Variants in TARBP1 observed in about 807,000 individuals in gnomAD.
TARBP1 encodes tRNA (guanosine(18)-2'-O)-methyltransferase TARBP1.
TARBP1 carries 144 observed loss-of-function variants against 178.6 expected under a neutral mutation model. That is an observed-to-expected ratio of 0.81 (90% CI 0.70 to 0.93). The LOEUF is 0.93. TARBP1 is among the 40% of genes least tolerant of loss of function. The probability of loss-of-function intolerance (pLI) is 0.00; values close to 1 mark genes in which losing one functional copy is unlikely to be tolerated. For synonymous variants in TARBP1, 787 were observed against 781.0 expected (o/e 1.01, Z -0.13); for missense variants, 2,067 against 2,011.7 (o/e 1.03, Z -0.53).
Position 234,401,197 on chromosome 1 carries a change from T to G in TARBP1, c.4055A>C (p.Lys1352Thr), listed in dbSNP as rs113984703. 5 of 1,613,150 alleles carry G rather than the reference T, an allele frequency of 3.1e-6. No individual in the cohort carries two copies. Among genetic ancestry groups the G allele is most frequent in the Non-Finnish European group, 4.2e-6 (5 of 1,179,494 alleles). The change falls in exon 25 of 30, where the codon AAG becomes ACG. Residue 1352 changes from lysine (K) to threonine (T), a missense_variant. Transcript: ENST00000040877. ...TCTACTCACCTCTAGACAATAATCC[T>G]TGAGTGGGTGAAATGTTGCAAAAAA... ...HFFFATFHPL[K>T]DYCLETIFYI...
intron 19 of TARBP1, among the ~76,000 whole-genome samples, chr1:234,426,886 A>C (rs916050762): frequency 1.3e-5 from 2 of 152,248 alleles, no homozygotes; most frequent in Non-Finnish European, 2.9e-5. Context: ...CAAAAACTTC[A>C]GAGTCTGTTC....
intron 21 of TARBP1, among the ~76,000 whole-genome samples, chr1:234,418,673 G>A (rs764747548): frequency 6.6e-6 from 1 of 152,164 alleles, no homozygotes; most frequent in Admixed American, 6.5e-5. Flanking sequence ...GGGCCACTGA[G>A]CCCTCTGTTC....
At chr1:234,418,948 G>A (rs1003321590) in intron 21 of TARBP1, among the ~76,000 whole-genome samples, 4 of 152,086 alleles carry the variant, frequency 2.6e-5, no homozygotes, top group Admixed American at 6.5e-5. Flanking sequence ...CGAGGCGGGC[G>A]GATCACAAGG....
intron 12 of TARBP1, among the ~76,000 whole-genome samples, chr1:234,445,750 C>T (rs541026676): frequency 4.9e-4 from 74 of 152,200 alleles, no homozygotes; most frequent in Non-Finnish European, 9.7e-4. Flanking sequence ...CAGGTAAATT[C>T]GTTCTTAGGT....
chr1:234,448,020 A>G (rs543103311), intron 11 of TARBP1, among the ~76,000 whole-genome samples: 1 of 152,252 alleles, frequency 6.6e-6, no homozygotes, highest in African/African-American at 2.4e-5. Context: ...GCTCACTGCA[A>G]CCTCCGCCAC....
intron 25 of TARBP1, among the ~76,000 whole-genome samples, chr1:234,399,385 T>C (rs1414566346): frequency 6.6e-6 from 1 of 152,242 alleles, no homozygotes; most frequent in African/African-American, 2.4e-5. Context: ...CACGACTACA[T>C]GTTGATTAAG....
chr1:234,393,321 CTTGTT>C (rs1025198174), intron 28 of TARBP1, 36 bp downstream of exon 28: 11 of 1,420,498 alleles, frequency 7.7e-6, no homozygotes, highest in Non-Finnish European at 9.3e-6. Flanking sequence ...CATGTGCGGG[CTTGTT>C]TTAAGAACTT....
At chr1:234,459,404 T>TAA in intron 7 of TARBP1, 78 bp from the exon 8 acceptor site, 1 of 1,142,764 alleles carries the variant, frequency 8.8e-7, no homozygotes, top group Non-Finnish European at 1.3e-6. Context: ...AACAAGTTGA[T>TAA]TTATAACAAC....
intron 12 of TARBP1, among the ~76,000 whole-genome samples, chr1:234,439,155 A>G (rs1665338167): frequency 6.6e-6 from 1 of 152,254 alleles, no homozygotes; most frequent in South Asian, 2.1e-4. Context: ...ACATGATGCC[A>G]TAGGGAAATT....
At chr1:234,465,735 G>C in intron 4 of TARBP1, 27 bp from the exon 5 acceptor site, 1 of 1,396,062 alleles carries the variant, frequency 7.2e-7, no homozygotes, top group Non-Finnish European at 9.7e-7. Context: ...AAAAAGACAC[G>C]TAATTGAAAC....
At chr1:234,473,776 T>C (rs1246241539) in intron 1 of TARBP1, among the ~76,000 whole-genome samples, 2 of 152,112 alleles carry the variant, frequency 1.3e-5, no homozygotes, top group Non-Finnish European at 2.9e-5. Flanking sequence ...GATCTAAGAA[T>C]CATCAGACAG....
chr1:234,462,810 T>C (rs1260344603), intron 6 of TARBP1, among the ~76,000 whole-genome samples: 4 of 152,110 alleles, frequency 2.6e-5, no homozygotes, highest in Non-Finnish European at 5.9e-5. Context: ...AGTCATGATA[T>C]ACAGACCATA....
chr1:234,399,878 A>G (rs1003891193), intron 25 of TARBP1, among the ~76,000 whole-genome samples: 1 of 89,754 alleles, frequency 1.1e-5, no homozygotes, highest in African/African-American at 4.4e-5. Context: ...CACTCTGGGG[A>G]CTGTTGTGGG....
chr1:234,465,025 T>C (rs1439507996), intron 5 of TARBP1, among the ~76,000 whole-genome samples: 2 of 152,062 alleles, frequency 1.3e-5, no homozygotes, highest in East Asian at 3.9e-4. Context: ...AAACTGGACG[T>C]CCTGGTGTGA....
intron 12 of TARBP1, among the ~76,000 whole-genome samples, chr1:234,444,525 A>G (rs270528): frequency 0.54 from 81,793 of 151,874 alleles, 23,099 homozygotes; most frequent in African/African-American, 0.71. Context: ...CTGGACTACC[A>G]TCACTGTGAA....
chr1:234,449,973 T>C (rs1035498948), intron 10 of TARBP1, among the ~76,000 whole-genome samples: 1 of 152,214 alleles, frequency 6.6e-6, no homozygotes, highest in African/African-American at 2.4e-5. Flanking sequence ...CTAACAAAAC[T>C]ATCCTTTTAA....
At chr1:234,448,448 T>G in intron 11 of TARBP1, 32 bp downstream of exon 11, 2 of 1,579,934 alleles carry the variant, frequency 1.3e-6, no homozygotes, top group Non-Finnish European at 1.7e-6. Context: ...ATTTTTCAAA[T>G]AGGCTTTCTT....
rs192014486 is a variant in TARBP1, at chr1:234,451,882, G to A, written c.1723-1316C>T. On this transcript the variant is annotated intron_variant, in intron 9 of 29. Coordinates refer to ENST00000040877, the MANE Select transcript of TARBP1 (RefSeq NM_005646.4). ...GTTCTGTGTAGGTCTTTATCAAGTC[G>A]GATAATCTTAAGATATTATTGTCTA... 5.6e-3 allele frequency among the ~76,000 whole-genome samples: 846 copies of A among 151,930 alleles called. 5 individuals carry two copies. Among genetic ancestry groups the A allele is most frequent in the Non-Finnish European group, 7.3e-3 (499 of 67,930 alleles).
chr1:234,462,229 T>A (rs1033112709), intron 6 of TARBP1, among the ~76,000 whole-genome samples: 1 of 152,218 alleles, frequency 6.6e-6, no homozygotes, highest in African/African-American at 2.4e-5. Context: ...GTGATATGCC[T>A]GGTCCTGGAT....
Sources: gnomAD v4.1 joint callset for allele counts (sites outside exome capture counted in the v4.1 genomes callset) on GRCh38, gnomAD v4.1.1 for gene constraint, MANE v1.5 for transcripts, NCBI Gene and HGNC (gene_info 2026-07-23, HGNC 2026-07-21) for gene names.